Variants in NCEH1 observed in about 807,000 individuals in gnomAD.
NCEH1 encodes neutral cholesterol ester hydrolase 1.
Under a neutral mutation model 25.4 loss-of-function variants are expected in NCEH1, and 9 were observed. That is an observed-to-expected ratio of 0.35 (90% CI 0.21 to 0.62). The LOEUF is 0.62. Among genes scored for constraint, NCEH1 ranks in the 20% least tolerant of loss-of-function variants. The pLI, the probability that NCEH1 is intolerant of heterozygous loss-of-function variation, is 0.72. For synonymous variants in NCEH1, 200 were observed against 199.8 expected, an observed-to-expected ratio of 1.00 and a Z score of -0.01; for missense variants, 412 against 501.1, an observed-to-expected ratio of 0.82 and a Z score of 1.70.
chr3:172,703,793 T>C (rs1160035475), intron 1 of NCEH1, among the ~76,000 whole-genome samples: 1 of 152,184 alleles, frequency 6.6e-6, no homozygotes, highest in Non-Finnish European at 1.5e-5. Flanking sequence ...ACACACCAGG[T>C]AGCTGAATCA....
At position 172,707,350 on chromosome 3, in the gene NCEH1, C is replaced by G. The variant is rs575282276; in HGVS notation, c.138+3497G>C. The stretch of plus-strand genomic sequence containing the variant: ...AAGTCTTATGGTGGCTTTGCTATAA[C>G]ACAGAAATTTGCCTAGCTAGTATTT... On this transcript the variant is annotated intron_variant, in intron 1 of 4. Coordinates refer to ENST00000475381, the MANE Select transcript of NCEH1 (RefSeq NM_020792.6). Among the ~76,000 whole-genome samples, 15 of 152,268 alleles carry G rather than the reference C, an allele frequency of 9.9e-5. No homozygotes were observed. The South Asian group carries it at 2.9e-3, about 29-fold the overall frequency.
intron 1 of NCEH1, among the ~76,000 whole-genome samples, chr3:172,705,112 C>T (rs1241664193): frequency 1.3e-5 from 2 of 152,170 alleles, no homozygotes; most frequent in Non-Finnish European, 2.9e-5. Flanking sequence ...ACATCAGTTC[C>T]ACTTTAGAAA....
intron 3 of NCEH1, among the ~76,000 whole-genome samples, chr3:172,644,417 GGAA>G (rs1425511598): frequency 2.0e-5 from 3 of 152,200 alleles, no homozygotes; most frequent in Non-Finnish European, 4.4e-5. Context: ...AGAGGCAGAG[GGAA>G]GAAGAGAACT....
intron 1 of NCEH1, among the ~76,000 whole-genome samples, chr3:172,675,042 G>A (rs1343571195): frequency 2.0e-5 from 3 of 152,152 alleles, no homozygotes. Context: ...AGGTGCGATG[G>A]CTCATGCCTA....
Position 172,647,874 on chromosome 3 carries a change from A to C in NCEH1, c.367+12T>G, listed in dbSNP as rs1275726109. On this transcript the variant is annotated intron_variant, in intron 2 of 4. Coordinates refer to ENST00000475381, the MANE Select transcript of NCEH1 (RefSeq NM_020792.6). ...CACAACAACAAACCATCTGAAGGTG[A>C]CCAGGACGCACTTGCACTTGCCAAG... 1.1e-5 allele frequency: 17 copies of C among 1,614,096 alleles called. No individual in the cohort carries two copies. Among genetic ancestry groups the C allele is most frequent in the Non-Finnish European group, 1.4e-5 (17 of 1,180,000 alleles).
At chr3:172,674,889 A>T (rs1273532907) in intron 1 of NCEH1, among the ~76,000 whole-genome samples, 1 of 152,246 alleles carries the variant, frequency 6.6e-6, no homozygotes, top group Non-Finnish European at 1.5e-5. Flanking sequence ...AGTAATAGTT[A>T]CGGATAAAAA....
intron 1 of NCEH1, among the ~76,000 whole-genome samples, chr3:172,659,985 CTTT>C (rs59222244): frequency 1.4e-5 from 2 of 140,540 alleles, no homozygotes; most frequent in Non-Finnish European, 3.1e-5. Context: ...TGAAGCATTT[CTTT>C]TTTTTTTTTT....
At chr3:172,644,912 G>C (rs1414107611) in intron 3 of NCEH1, among the ~76,000 whole-genome samples, 1 of 151,462 alleles carries the variant, frequency 6.6e-6, no homozygotes, top group Admixed American at 6.5e-5. Context: ...ATGAAACAGA[G>C]GAACGTGGGT....
At chr3:172,659,438 G>C (rs993186420) in intron 1 of NCEH1, among the ~76,000 whole-genome samples, 3 of 152,158 alleles carry the variant, frequency 2.0e-5, no homozygotes, top group Non-Finnish European at 4.4e-5. Flanking sequence ...AAGATGTGTT[G>C]ACTCAAAGTC....
At chr3:172,694,430 C>T (rs1189338903) in intron 1 of NCEH1, among the ~76,000 whole-genome samples, 1 of 150,862 alleles carries the variant, frequency 6.6e-6, no homozygotes, top group Non-Finnish European at 1.5e-5. Flanking sequence ...GTGTATTTTA[C>T]TATTTAGTAC....
intron 1 of NCEH1, among the ~76,000 whole-genome samples, chr3:172,671,889 G>A (rs1485644648): frequency 6.6e-6 from 1 of 152,158 alleles, no homozygotes; most frequent in East Asian, 1.9e-4. Context: ...TAGTGGCATT[G>A]TTGTCATTGT....
At chr3:172,689,349 C>G (rs536443880) in intron 1 of NCEH1, among the ~76,000 whole-genome samples, 1 of 149,934 alleles carries the variant, frequency 6.7e-6, no homozygotes, top group South Asian at 2.1e-4. Context: ...ACCTCCGCCT[C>G]CCGGGTTGAG....
At chr3:172,668,721 T>C (rs139037545) in intron 1 of NCEH1, among the ~76,000 whole-genome samples, 11 of 152,184 alleles carry the variant, frequency 7.2e-5, no homozygotes, top group Non-Finnish European at 1.3e-4. Flanking sequence ...TAAAGAAGTA[T>C]CTGGAGAAGT....
chr3:172,651,993 G>A (rs935176560), intron 1 of NCEH1, among the ~76,000 whole-genome samples: 42 of 152,208 alleles, frequency 2.8e-4, no homozygotes, highest in African/African-American at 9.7e-4. Context: ...AATGAGGGCT[G>A]TATAGATAAA....
chr3:172,702,801 T>C (rs1030602718), intron 1 of NCEH1, among the ~76,000 whole-genome samples: 8 of 151,928 alleles, frequency 5.3e-5, no homozygotes, highest in Admixed American at 2.0e-4. Flanking sequence ...CTGGGCAACA[T>C]AGCAAGACTT....
chr3:172,644,219 T>G (rs3836482), intron 3 of NCEH1, among the ~76,000 whole-genome samples: 106 of 85,056 alleles, frequency 1.2e-3, no homozygotes, highest in South Asian at 2.7e-3. Flanking sequence ...CTAGGGCTTT[T>G]GAGTGACTCT....
chr3:172,689,562 T>C (rs1446207497), intron 1 of NCEH1, among the ~76,000 whole-genome samples: 5 of 150,074 alleles, frequency 3.3e-5, no homozygotes, highest in Admixed American at 2.6e-4. Flanking sequence ...ATTTCAAAAT[T>C]AGCCAGGCGT....
At chr3:172,674,443 CAAAAAAAAAAAA>C (rs146923940) in intron 1 of NCEH1, among the ~76,000 whole-genome samples, 11 of 71,038 alleles carry the variant, frequency 1.5e-4, no homozygotes, top group African/African-American at 3.9e-4. Context: ...ACTCTGTCTC[CAAAAAAAAAAAA>C]AAAAAAAAAA....
intron 1 of NCEH1, among the ~76,000 whole-genome samples, chr3:172,684,989 TC>T (rs1712617547): frequency 7.0e-6 from 1 of 142,274 alleles, no homozygotes; most frequent in Non-Finnish European, 1.5e-5. Flanking sequence ...CCCACTCCCA[TC>T]CCCAAAAAAA....
Sources: gnomAD v4.1 joint callset for allele counts (sites outside exome capture counted in the v4.1 genomes callset) on GRCh38, gnomAD v4.1.1 for gene constraint, MANE v1.5 for transcripts, NCBI Gene and HGNC (gene_info 2026-07-23, HGNC 2026-07-21) for gene names.